PDGFD: variants seen among roughly 807,000 people sequenced by gnomAD.
PDGFD encodes the protein platelet derived growth factor D.
In PDGFD, 30 loss-of-function variants were observed where a neutral mutation model predicts 44.7. The ratio of observed to expected loss-of-function variants is 0.67; its 90% CI spans 0.50 to 0.91. PDGFD has a LOEUF of 0.91. PDGFD is among the 40% of genes least tolerant of loss of function. The pLI, the probability that PDGFD is intolerant of heterozygous loss-of-function variation, is 0.00. For synonymous variants in PDGFD, 173 were observed against 168.4 expected (o/e 1.03, Z -0.21); for missense variants, 445 against 457.8 (o/e 0.97, Z 0.25).
chr11:104,089,196 C>CA (rs1861176124), intron 1 of PDGFD, among the ~76,000 whole-genome samples: 1 of 152,046 alleles, frequency 6.6e-6, no homozygotes, highest in African/African-American at 2.4e-5. Flanking sequence ...AATATTGAAA[C>CA]AATTTGGATA....
chr11:103,997,739 G>A (rs934970832), intron 2 of PDGFD, among the ~76,000 whole-genome samples: 3 of 152,078 alleles, frequency 2.0e-5, no homozygotes, highest in African/African-American at 7.2e-5. Flanking sequence ...ACTGCACAAA[G>A]CATGACTATA....
chr11:104,026,683 C>G (rs777699974), intron 1 of PDGFD, among the ~76,000 whole-genome samples: 1 of 152,164 alleles, frequency 6.6e-6, no homozygotes, highest in Non-Finnish European at 1.5e-5. Flanking sequence ...AACCTTATGG[C>G]CTCATGGTTA....
chr11:104,101,359 C>A (rs1375379965), intron 1 of PDGFD, among the ~76,000 whole-genome samples: 6 of 151,964 alleles, frequency 3.9e-5, no homozygotes, highest in Non-Finnish European at 8.8e-5. Context: ...ACAATTGCTT[C>A]AAAGAGAATA....
At chr11:104,077,564 T>C (rs1374015953) in intron 1 of PDGFD, among the ~76,000 whole-genome samples, 5 of 152,138 alleles carry the variant, frequency 3.3e-5, no homozygotes, top group Admixed American at 1.3e-4. Flanking sequence ...GGCTGCAGAA[T>C]ATCCCTGTAC....
At chr11:104,118,965 C>T (rs751221277) in intron 1 of PDGFD, among the ~76,000 whole-genome samples, 1,517 of 14,878 alleles carry the variant, frequency 0.1, 119 homozygotes, top group African/African-American at 0.2. Flanking sequence ...CATAATAAAA[C>T]AATATAATAA....
At position 103,909,897 on chromosome 11, in the gene PDGFD, T is replaced by C. The variant is rs542129413; in HGVS notation, c.988-78A>G. 30 of 1,563,488 alleles carry C rather than the reference T, an allele frequency of 1.9e-5. No homozygotes were observed. In the East Asian group the frequency reaches 6.3e-4, roughly 33 times the overall value. On this transcript the variant is annotated intron_variant, in intron 6 of 6. Transcript: ENST00000393158. ...CAGATGCCACCTACTTATTACCTTT[T>C]TGACAACTAGTTCTTAGCCCTTTGA...
chr11:104,140,286 C>T (rs1184095807), intron 1 of PDGFD, among the ~76,000 whole-genome samples: 1 of 152,086 alleles, frequency 6.6e-6, no homozygotes, highest in Non-Finnish European at 1.5e-5. Flanking sequence ...AACCATGTTG[C>T]TTTAATAAGG....
chr11:104,018,034 A>C (rs1393903552), intron 1 of PDGFD, among the ~76,000 whole-genome samples: 2 of 152,176 alleles, frequency 1.3e-5, no homozygotes, highest in African/African-American at 2.4e-5. Context: ...GAGGAAGGGA[A>C]AGAACATTCT....
intron 1 of PDGFD, among the ~76,000 whole-genome samples, chr11:104,004,367 T>C (rs534929443): frequency 1.3e-5 from 2 of 152,332 alleles, no homozygotes; most frequent in African/African-American, 4.8e-5. Flanking sequence ...CTTGGCATTA[T>C]TCCCTAAACA....
chr11:103,945,237 T>C (rs1368159265), intron 4 of PDGFD, among the ~76,000 whole-genome samples: 1 of 152,148 alleles, frequency 6.6e-6, no homozygotes, highest in African/African-American at 2.4e-5. Flanking sequence ...GCCATATTTG[T>C]TCCTTCTGTT....
rs954939682 is a variant in PDGFD at position 103,908,576 on chromosome 11, T to C, written c.*1118A>G. 3 of 152,216 alleles carry C rather than the reference T, an allele frequency of 2.0e-5. No individual in the cohort carries two copies. The highest frequency in any genetic ancestry group is 4.8e-5 in the African/African-American group (2 of 41,456). The allele number at this position is 152,216 out of a possible 1,614,324, so 9.4% of individuals were successfully genotyped here. A position where few individuals can be genotyped will look rare whatever the true frequency, so the allele number is the denominator to read the frequency against. ...AAGCTTTTAGGTTGTAAATAATCTA[T>C]GATGGCCTGCCAAATATAAAATGCC... On this transcript the variant is annotated 3_prime_UTR_variant, in exon 7 of 7. Coordinates refer to ENST00000393158, the MANE Select transcript of PDGFD (RefSeq NM_025208.5).
intron 3 of PDGFD, among the ~76,000 whole-genome samples, chr11:103,975,311 A>T (rs1264794990): frequency 6.6e-6 from 1 of 152,084 alleles, no homozygotes; most frequent in South Asian, 2.1e-4. Context: ...GTCTGTTCAT[A>T]TCATTGCCCA....
At chr11:104,067,470 T>G (rs939940951) in intron 1 of PDGFD, among the ~76,000 whole-genome samples, 7 of 152,172 alleles carry the variant, frequency 4.6e-5, no homozygotes, top group African/African-American at 1.7e-4. Context: ...TTGAAAATCT[T>G]TCTATTAGAA....
intron 6 of PDGFD, among the ~76,000 whole-genome samples, chr11:103,913,073 C>T (rs10895538): frequency 0.46 from 69,534 of 151,738 alleles, 16,042 homozygotes; most frequent in South Asian, 0.49. Flanking sequence ...CACCCCACTG[C>T]CAATATTAGG....
intron 1 of PDGFD, among the ~76,000 whole-genome samples, chr11:104,002,023 G>A (rs539524208): frequency 2.6e-5 from 4 of 152,252 alleles, no homozygotes; most frequent in African/African-American, 7.2e-5. Context: ...GAAAAGCAAC[G>A]GGTAGTTGAG....
At chr11:103,958,894 T>C (rs886509039) in intron 3 of PDGFD, among the ~76,000 whole-genome samples, 5 of 152,162 alleles carry the variant, frequency 3.3e-5, no homozygotes, top group Non-Finnish European at 7.3e-5. Context: ...AAAATCATTA[T>C]CTCTAAAAAC....
chr11:104,132,065 A>G (rs1009918271), intron 1 of PDGFD, among the ~76,000 whole-genome samples: 3 of 150,468 alleles, frequency 2.0e-5, no homozygotes, highest in African/African-American at 4.8e-5. Flanking sequence ...CATGGTGAGC[A>G]TGCCAAAAAA....
At chr11:103,949,027 G>A (rs193030197) in intron 3 of PDGFD, among the ~76,000 whole-genome samples, 63 of 120,636 alleles carry the variant, frequency 5.2e-4, no homozygotes, top group African/African-American at 1.7e-3. Flanking sequence ...TTTTGAGACC[G>A]AGTCTCACTC....
chr11:104,113,827 G>A (rs189588575), intron 1 of PDGFD, among the ~76,000 whole-genome samples: 1 of 151,980 alleles, frequency 6.6e-6, no homozygotes, highest in African/African-American at 2.4e-5. Flanking sequence ...GGTATGTAGC[G>A]GTATCTCACT....
Sources: allele counts gnomAD v4.1 joint callset (sites outside exome capture counted in the v4.1 genomes callset), GRCh38; gene constraint gnomAD v4.1.1; transcripts MANE v1.5; gene names NCBI Gene and HGNC (gene_info 2026-07-23, HGNC 2026-07-21).